Variants in ENOX1 observed in about 807,000 individuals in gnomAD.
The protein encoded by ENOX1 is candidate growth-related and time keeping constitutive hydroquinone (NADH) oxidase.
In ENOX1, 42 loss-of-function variants were observed where a neutral mutation model predicts 82.5. That is an observed-to-expected ratio of 0.51 (90% CI 0.40 to 0.66). ENOX1 has a LOEUF of 0.66. ENOX1 is among the 30% of genes least tolerant of loss of function. ENOX1 has a pLI of 0.00. For missense variants in ENOX1, 608 were observed against 811.6 expected, an observed-to-expected ratio of 0.75 and a Z score of 3.05; for synonymous variants, 271 against 282.2, an observed-to-expected ratio of 0.96 and a Z score of 0.40.
chr13:43,503,607 G>T (rs1160503582), intron 2 of ENOX1, among the ~76,000 whole-genome samples: 1 of 151,602 alleles, frequency 6.6e-6, no homozygotes, highest in Non-Finnish European at 1.5e-5. Flanking sequence ...TCTGCAACAA[G>T]GGTGCCAAGA....
rs769737189 is a variant in ENOX1, at chr13:43,641,529, A to ATTTTTTTTTTTT, written c.-219+25938_-219+25949dup. The stretch of plus-strand genomic sequence containing the variant: ...AGTAACAGAGTAACATTAATTTTTA[A>ATTTTTTTTTTTT]TTTTTTTTTTTTTTTTTTTTTTTTG... On this transcript the variant is annotated intron_variant, in intron 2 of 16. Transcript: ENST00000690772. Among the ~76,000 whole-genome samples the ATTTTTTTTTTTT allele has an allele frequency of 1.6e-3, 137 of 83,110 alleles. 2 individuals carry two copies. Among genetic ancestry groups the ATTTTTTTTTTTT allele is most frequent in the Non-Finnish European group, 2.0e-3 (94 of 48,062 alleles). 54.5% of individuals were successfully genotyped at this position (83,110 alleles called of 152,430 possible).
At chr13:43,616,204 A>ATTTTTTTT (rs58543927) in intron 2 of ENOX1, among the ~76,000 whole-genome samples, 3 of 15,316 alleles carry the variant, frequency 2.0e-4, no homozygotes, top group African/African-American at 3.4e-4. Context: ...ATATATATAT[A>ATTTTTTTT]TTTTTTTTTT....
chr13:43,370,053 A>G (rs2051119576), intron 5 of ENOX1, among the ~76,000 whole-genome samples: 2 of 152,078 alleles, frequency 1.3e-5, no homozygotes, highest in Admixed American at 1.3e-4. Flanking sequence ...AGGTTTGTGA[A>G]CTGTAGCACG....
intron 3 of ENOX1, among the ~76,000 whole-genome samples, chr13:43,474,812 AAAAAG>A (rs1397095384): frequency 4.6e-5 from 7 of 152,302 alleles, no homozygotes; most frequent in African/African-American, 1.7e-4. Context: ...ACCCTGATGT[AAAAAG>A]AAAAGAAAAA....
At chr13:43,681,325 G>T (rs2085772141) in intron 1 of ENOX1, among the ~76,000 whole-genome samples, 1 of 152,058 alleles carries the variant, frequency 6.6e-6, no homozygotes. Flanking sequence ...AAAGACATTT[G>T]TCCTGGGTTG....
At chr13:43,240,714 G>A (rs576925654) in intron 14 of ENOX1, among the ~76,000 whole-genome samples, 9 of 152,272 alleles carry the variant, frequency 5.9e-5, no homozygotes, top group Admixed American at 5.2e-4. Flanking sequence ...GGTTTCTATA[G>A]CATCTTGTCA....
At chr13:43,381,015 C>CTTT (rs2052004647) in intron 5 of ENOX1, among the ~76,000 whole-genome samples, 1 of 151,754 alleles carries the variant, frequency 6.6e-6, no homozygotes, top group Non-Finnish European at 1.5e-5. Flanking sequence ...CATAGAAAAT[C>CTTT]AGTAAGGATA....
At chr13:43,256,169 C>G (rs1351281525) in intron 14 of ENOX1, among the ~76,000 whole-genome samples, 1 of 152,086 alleles carries the variant, frequency 6.6e-6, no homozygotes, top group South Asian at 2.1e-4. Context: ...GGATTAAATA[C>G]GTAAATGTAA....
chr13:43,676,582 T>C (rs1316823317), intron 1 of ENOX1, among the ~76,000 whole-genome samples: 1 of 152,016 alleles, frequency 6.6e-6, no homozygotes, highest in African/African-American at 2.4e-5. Flanking sequence ...GTTTTCTAGT[T>C]GATTTGCAGA....
chr13:43,755,412 C>T (rs1156892876), intron 1 of ENOX1, among the ~76,000 whole-genome samples: 1 of 152,132 alleles, frequency 6.6e-6, no homozygotes, highest in East Asian at 1.9e-4. Flanking sequence ...TTCAGGAGGC[C>T]TCGGGCACTG....
chr13:43,658,786 G>A (rs114534423), intron 2 of ENOX1, among the ~76,000 whole-genome samples: 1,884 of 152,102 alleles, frequency 0.012, 33 homozygotes, highest in African/African-American at 0.043. Context: ...TTTTCGCCTC[G>A]CTCTTGTGTT....
At chr13:43,257,534 A>T (rs1261262346) in intron 14 of ENOX1, among the ~76,000 whole-genome samples, 1 of 152,240 alleles carries the variant, frequency 6.6e-6, no homozygotes, top group Non-Finnish European at 1.5e-5. Flanking sequence ...TAAATTTGAT[A>T]AAAATGTATA....
intron 1 of ENOX1, among the ~76,000 whole-genome samples, chr13:43,678,744 A>G (rs938348546): frequency 1.3e-5 from 2 of 152,048 alleles, no homozygotes; most frequent in Non-Finnish European, 2.9e-5. Context: ...GAAGTCACAC[A>G]CTCGATACAC....
chr13:43,451,087 A>G (rs138125339), intron 3 of ENOX1, among the ~76,000 whole-genome samples: 1 of 152,258 alleles, frequency 6.6e-6, no homozygotes, highest in African/African-American at 2.4e-5. Flanking sequence ...TTGGGACCAC[A>G]TTTTGAGTAG....
chr13:43,346,645 G>A (rs1169198582), intron 8 of ENOX1, among the ~76,000 whole-genome samples: 3 of 152,142 alleles, frequency 2.0e-5, no homozygotes, highest in Admixed American at 6.5e-5. Flanking sequence ...TTCATGGACC[G>A]AAGCAGCTTG....
At chr13:43,591,841 G>A (rs1256407802) in intron 2 of ENOX1, among the ~76,000 whole-genome samples, 2 of 152,088 alleles carry the variant, frequency 1.3e-5, no homozygotes, top group Admixed American at 1.3e-4. Flanking sequence ...TAATCCTGGT[G>A]TTGGCAAATA....
chr13:43,308,362 TTTG>T (rs1374476262), intron 11 of ENOX1, among the ~76,000 whole-genome samples: 1 of 152,222 alleles, frequency 6.6e-6, no homozygotes, highest in Non-Finnish European at 1.5e-5. Flanking sequence ...TTACTCCATT[TTTG>T]TTTTCTTCTC....
chr13:43,785,386 T>C (rs765425825), intron 1 of ENOX1, among the ~76,000 whole-genome samples: 1 of 152,152 alleles, frequency 6.6e-6, no homozygotes, highest in Non-Finnish European at 1.5e-5. Context: ...CCTCTTCAGA[T>C]CCCTTAAGCA....
At chr13:43,349,130 TA>T (rs2049594618) in intron 8 of ENOX1, among the ~76,000 whole-genome samples, 1 of 152,206 alleles carries the variant, frequency 6.6e-6, no homozygotes, top group Admixed American at 6.5e-5. Flanking sequence ...GAGTTGATAA[TA>T]AACATTTAAA....
Sources: allele counts gnomAD v4.1 joint callset (sites outside exome capture counted in the v4.1 genomes callset), GRCh38; gene constraint gnomAD v4.1.1; transcripts MANE v1.5; gene names NCBI Gene and HGNC (gene_info 2026-07-23, HGNC 2026-07-21).